Variants in CNGB3 observed in about 807,000 individuals in gnomAD.
CNGB3 encodes the protein cyclic nucleotide gated channel subunit beta 3.
CNGB3 carries 86 observed loss-of-function variants against 92.8 expected under a neutral mutation model. The ratio of observed to expected loss-of-function variants is 0.93; its 90% CI spans 0.78 to 1.11. The LOEUF (loss-of-function observed/expected upper bound fraction) is 1.11. CNGB3 is among the 50% of genes least tolerant of loss of function. CNGB3 has a pLI of 0.00. For missense variants in CNGB3, 1,026 were observed against 956.8 expected (o/e 1.07, Z -0.95); for synonymous variants, 333 against 332.7 (o/e 1.00, Z -0.01).
intron 3 of CNGB3, among the ~76,000 whole-genome samples, chr8:86,713,367 T>C (rs1413188133): frequency 1.3e-5 from 2 of 152,174 alleles, no homozygotes; most frequent in African/African-American, 2.4e-5. Context: ...TAAATCAGTA[T>C]TGCTGGGGAT....
chr8:86,583,459 T>C (rs1821831452), intron 15 of CNGB3, among the ~76,000 whole-genome samples: 3 of 152,120 alleles, frequency 2.0e-5, no homozygotes, highest in Non-Finnish European at 2.9e-5. Context: ...AGTATAATTA[T>C]TATGCTAAGG....
chr8:86,715,139 C>A lies in CNGB3; in HGVS notation c.338+11392G>T, dbSNP rs73690213. Among the ~76,000 whole-genome samples, 1,133 of 152,196 alleles carry A rather than the reference C, an allele frequency of 7.4e-3. 12 individuals are homozygous for A. Among genetic ancestry groups the A allele is most frequent in the Middle Eastern group, 0.027 (8 of 294 alleles). ...CCACCTAAGAAACCTGAATACTTAA[C>A]CAGGCAACCCTAGGGCAAGTTTACA... On this transcript the variant is annotated intron_variant, in intron 3 of 17. Coordinates refer to ENST00000320005, the MANE Select transcript of CNGB3 (RefSeq NM_019098.5).
chr8:86,660,495 G>A, intron 6 of CNGB3: 1 of 527,930 alleles, frequency 1.9e-6, no homozygotes, highest in Non-Finnish European at 3.9e-6. Flanking sequence ...AGGAAGCATG[G>A]CCAGGTGGCA....
chr8:86,595,242 A>C (rs1024461604), intron 15 of CNGB3, among the ~76,000 whole-genome samples: 1 of 152,214 alleles, frequency 6.6e-6, no homozygotes. Context: ...GCCCCTGGAT[A>C]TTAGGAAAAA....
At chr8:86,706,305 TA>T (rs1391390373) in intron 3 of CNGB3, among the ~76,000 whole-genome samples, 4 of 152,234 alleles carry the variant, frequency 2.6e-5, no homozygotes, top group African/African-American at 9.6e-5. Flanking sequence ...AAGACCTATT[TA>T]AGTCTACATG....
intron 12 of CNGB3, among the ~76,000 whole-genome samples, chr8:86,627,563 G>T (rs568675190): frequency 6.6e-6 from 1 of 152,132 alleles, no homozygotes; most frequent in Non-Finnish European, 1.5e-5. Context: ...AGCATTTTTG[G>T]CTTCTTAGTG....
intron 6 of CNGB3, among the ~76,000 whole-genome samples, chr8:86,654,738 T>C (rs775877778): frequency 5.5e-4 from 83 of 152,182 alleles, no homozygotes; most frequent in Non-Finnish European, 6.9e-4. Context: ...ATCCCACTCT[T>C]AGTTTACTTA....
At chr8:86,607,441 G>T (rs558721005) in intron 14 of CNGB3, among the ~76,000 whole-genome samples, 3 of 152,068 alleles carry the variant, frequency 2.0e-5, no homozygotes, top group Non-Finnish European at 4.4e-5. Context: ...AAATTTCAGG[G>T]TTTCTGTGTA....
At chr8:86,723,141 ACTT>A (rs1192049562) in intron 3 of CNGB3, among the ~76,000 whole-genome samples, 1 of 152,096 alleles carries the variant, frequency 6.6e-6, no homozygotes, top group Non-Finnish European at 1.5e-5. Context: ...ATCAAACTGT[ACTT>A]CTTACACACA....
At chr8:86,665,792 G>T (rs111274344) in intron 6 of CNGB3, among the ~76,000 whole-genome samples, 2 of 152,178 alleles carry the variant, frequency 1.3e-5, no homozygotes, top group African/African-American at 4.8e-5. Context: ...CCTAATTATT[G>T]GGTACTATGT....
chr8:86,605,327 AC>A (rs1292476693), intron 14 of CNGB3, among the ~76,000 whole-genome samples: 7 of 152,284 alleles, frequency 4.6e-5, no homozygotes, highest in African/African-American at 1.7e-4. Context: ...CTTACAAGAG[AC>A]CTAAATGGCA....
intron 3 of CNGB3, among the ~76,000 whole-genome samples, chr8:86,685,866 A>G (rs1824178289): frequency 6.6e-6 from 1 of 152,152 alleles, no homozygotes; most frequent in African/African-American, 2.4e-5. Context: ...TACATGGAAC[A>G]CAACTAAATA....
intron 10 of CNGB3, among the ~76,000 whole-genome samples, chr8:86,642,247 C>T (rs929714312): frequency 6.6e-6 from 1 of 151,608 alleles, no homozygotes; most frequent in African/African-American, 2.4e-5. Flanking sequence ...CAGCTATCAG[C>T]CACAGTCATC....
chr8:86,597,502 C>T (rs954347737), intron 15 of CNGB3, among the ~76,000 whole-genome samples: 1 of 152,154 alleles, frequency 6.6e-6, no homozygotes, highest in African/African-American at 2.4e-5. Flanking sequence ...TGAAAGTGTA[C>T]AGCAGGGAGA....
intron 2 of CNGB3, among the ~76,000 whole-genome samples, chr8:86,738,360 G>A (rs1293491464): frequency 6.6e-6 from 1 of 152,152 alleles, no homozygotes; most frequent in Non-Finnish European, 1.5e-5. Context: ...TAAGCTTCTT[G>A]AGCAAAGGTT....
At chr8:86,733,863 A>G (rs1172747544) in intron 2 of CNGB3, among the ~76,000 whole-genome samples, 5 of 152,112 alleles carry the variant, frequency 3.3e-5, no homozygotes, top group Non-Finnish European at 7.4e-5. Context: ...TTTATTTTAT[A>G]TTTTAATTTA....
intron 6 of CNGB3, chr8:86,660,593 T>A: frequency 1.9e-6 from 1 of 534,234 alleles, no homozygotes; most frequent in Non-Finnish European, 3.8e-6. Context: ...TTGATTCTTA[T>A]TAGCTCCAAA....
At position 86,659,092 on chromosome 8, in the gene CNGB3, C is replaced by T. The variant is rs1484535898; in HGVS notation, c.853-5030G>A. 8 of 762,502 alleles carry T rather than the reference C, an allele frequency of 1.0e-5. 1 individual carries two copies. Among genetic ancestry groups the T allele is most frequent in the Admixed American group, 4.1e-5 (2 of 48,936 alleles). 47.2% of individuals were successfully genotyped at this position (762,502 alleles called of 1,614,324 possible). On this transcript the variant is annotated intron_variant, in intron 6 of 17. Transcript: ENST00000320005. ...GGGGGCTCCAGGAGCAGGGGTTCAG[C>T]GATCTGTTCCCTCAGTTTGGCCAAG...
chr8:86,695,239 T>A (rs1279486857), intron 3 of CNGB3, among the ~76,000 whole-genome samples: 2 of 152,034 alleles, frequency 1.3e-5, no homozygotes, highest in Non-Finnish European at 2.9e-5. Context: ...TGAGCCGAGA[T>A]GGCAGCAGTA....
Sources: gnomAD v4.1 joint callset for allele counts (sites outside exome capture counted in the v4.1 genomes callset) on GRCh38, gnomAD v4.1.1 for gene constraint, MANE v1.5 for transcripts, NCBI Gene and HGNC (gene_info 2026-07-23, HGNC 2026-07-21) for gene names.